The following SOX5 variants were observed in gnomAD, a reference collection of about 807,000 sequenced individuals.
The protein encoded by SOX5 is transcription factor SOX-5.
A neutral mutation model predicts 92.0 loss-of-function variants in SOX5; 9 were observed. That is an observed-to-expected ratio of 0.10 (90% CI 0.06 to 0.17). The LOEUF (loss-of-function observed/expected upper bound fraction) is 0.17. Among genes scored for constraint, SOX5 ranks in the 10% least tolerant of loss-of-function variants. The pLI is 1.00. For missense variants in SOX5, 642 were observed against 944.5 expected, an observed-to-expected ratio of 0.68 and a Z score of 4.20; for synonymous variants, 344 against 336.3, an observed-to-expected ratio of 1.02 and a Z score of -0.25.
chr12:24,284,901 G>A (rs75981847), intron 2 of SOX5, among the ~76,000 whole-genome samples: 5,812 of 152,212 alleles, frequency 0.038, 390 homozygotes, highest in African/African-American at 0.13. Context: ...CAGTCGGGTG[G>A]ATCACCTGAG....
chr12:24,209,877 G>A (rs1958407651), intron 4 of SOX5, among the ~76,000 whole-genome samples: 1 of 150,470 alleles, frequency 6.6e-6, no homozygotes, highest in Middle Eastern at 3.2e-3. Context: ...AATTAGCCGG[G>A]CGTAGTGGCG....
At chr12:23,549,837 TA>T (rs1232316807) in intron 11 of SOX5, among the ~76,000 whole-genome samples, 1 of 151,962 alleles carries the variant, frequency 6.6e-6, no homozygotes, top group Non-Finnish European at 1.5e-5. Flanking sequence ...TAAGTCTGTT[TA>T]AAAACAGACT....
intron 2 of SOX5, among the ~76,000 whole-genome samples, chr12:23,869,979 A>T (rs1595216018): frequency 6.6e-6 from 1 of 152,298 alleles, no homozygotes; most frequent in East Asian, 1.9e-4. Flanking sequence ...AATATATTTT[A>T]TACATAGCAG....
intron 3 of SOX5, among the ~76,000 whole-genome samples, chr12:23,820,433 T>A (rs1171331403): frequency 6.6e-6 from 1 of 152,224 alleles, no homozygotes; most frequent in Non-Finnish European, 1.5e-5. Context: ...TTTAATTAGA[T>A]CCCATTTGTC....
chr12:23,896,126 G>A (rs2097175410), intron 1 of SOX5, 102 bp from the exon 2 acceptor site: 2 of 782,738 alleles, frequency 2.6e-6, no homozygotes, highest in Non-Finnish European at 4.3e-6. Context: ...GCCTTTTTGT[G>A]CTAGCAGAGA....
intron 3 of SOX5, chr12:24,213,419 T>TAAAAAAAAAAAAAAAAAAAAAAAAGA (rs67296842): frequency 1.0e-5 from 1 of 96,864 alleles, no homozygotes; most frequent in African/African-American, 4.0e-5. Flanking sequence ...CTTGAAATGC[T>TAAAAAAAAAAAAAAAAAAAAAAAAGA]AAAAAAAAAA....
At chr12:24,049,382 C>G (rs1325520206) in intron 4 of SOX5, among the ~76,000 whole-genome samples, 2 of 152,206 alleles carry the variant, frequency 1.3e-5, no homozygotes, top group African/African-American at 4.8e-5. Flanking sequence ...CCTATCTAAA[C>G]TGACCAGTGA....
chr12:23,581,568 C>T (rs1202098062), intron 9 of SOX5, among the ~76,000 whole-genome samples: 1 of 151,986 alleles, frequency 6.6e-6, no homozygotes. Context: ...AGAACAGATG[C>T]ATTTATCCAA....
At chr12:24,272,928 A>C (rs1943949646) in intron 3 of SOX5, among the ~76,000 whole-genome samples, 1 of 152,172 alleles carries the variant, frequency 6.6e-6, no homozygotes. Flanking sequence ...TGAAAAAAAA[A>C]AAATTATGTA....
chr12:23,918,733 G>A lies in SOX5; in HGVS notation c.39-22709C>T, dbSNP rs7955204. Among the ~76,000 whole-genome samples, 910 of 151,960 alleles carry A rather than the reference G, an allele frequency of 6.0e-3. 11 individuals are homozygous for A. Among genetic ancestry groups the A allele is most frequent in the African/African-American group, 0.021 (868 of 41,480 alleles). On this transcript the variant is annotated intron_variant, in intron 1 of 14. Transcript: ENST00000451604. ...TTGAGGTCAGGAGATTGTGGCCAAC[G>A]TGGTGAAACCCCGTCTCTACTGAAA...
chr12:23,730,332 A>T (rs11831403), intron 6 of SOX5, among the ~76,000 whole-genome samples: 3,574 of 152,270 alleles, frequency 0.023, 142 homozygotes, highest in African/African-American at 0.077. Flanking sequence ...ATTGAAATTT[A>T]AAAAAGTATC....
At chr12:24,399,757 A>C (rs1466681488) in intron 1 of SOX5, among the ~76,000 whole-genome samples, 1 of 152,230 alleles carries the variant, frequency 6.6e-6, no homozygotes, top group African/African-American at 2.4e-5. Flanking sequence ...ATGCGGAAAC[A>C]ATTCCAAAAT....
chr12:24,466,212 CTCTTCCT>C (rs1369940482), intron 1 of SOX5, among the ~76,000 whole-genome samples: 1 of 151,742 alleles, frequency 6.6e-6, no homozygotes, highest in Non-Finnish European at 1.5e-5. Flanking sequence ...TCTTTTCTTC[CTCTTCCT>C]TCTTCCTTCT....
At chr12:23,810,280 T>G (rs760947560) in intron 3 of SOX5, among the ~76,000 whole-genome samples, 1 of 152,166 alleles carries the variant, frequency 6.6e-6, no homozygotes, top group Non-Finnish European at 1.5e-5. Flanking sequence ...TTTATTTATA[T>G]ATTACAAAAC....
intron 3 of SOX5, among the ~76,000 whole-genome samples, chr12:23,765,402 A>AAAC (rs1712935055): frequency 1.3e-5 from 2 of 149,558 alleles, no homozygotes; most frequent in Non-Finnish European, 3.0e-5. Flanking sequence ...AAAAAAAAAA[A>AAAC]AAAAAAAAAG....
chr12:23,851,905 T>C (rs2096637760), intron 2 of SOX5, among the ~76,000 whole-genome samples: 1 of 152,112 alleles, frequency 6.6e-6, no homozygotes, highest in South Asian at 2.1e-4. Flanking sequence ...TATCTTGGGA[T>C]AGGGTCAGAA....
chr12:24,507,860 C>A (rs116777791), intron 1 of SOX5, among the ~76,000 whole-genome samples: 281 of 152,124 alleles, frequency 1.8e-3, no homozygotes, highest in African/African-American at 6.3e-3. Context: ...TTGTTTATAC[C>A]TTTCCATCTC....
chr12:23,715,617 A>G (rs1484605227), intron 6 of SOX5, among the ~76,000 whole-genome samples: 1 of 152,154 alleles, frequency 6.6e-6, no homozygotes, highest in Admixed American at 6.5e-5. Context: ...ATTAGTAGTT[A>G]TCCACTAAAT....
intron 2 of SOX5, among the ~76,000 whole-genome samples, chr12:24,318,177 C>A (rs1334523718): frequency 3.3e-5 from 5 of 152,086 alleles, no homozygotes; most frequent in South Asian, 4.2e-4. Flanking sequence ...CCATTGCACT[C>A]CAGCCTGGGC....
Sources: allele counts gnomAD v4.1 joint callset (sites outside exome capture counted in the v4.1 genomes callset), GRCh38; gene constraint gnomAD v4.1.1; transcripts MANE v1.5; gene names NCBI Gene and HGNC (gene_info 2026-07-23, HGNC 2026-07-21).